Variants in PRKCB observed in about 807,000 individuals in gnomAD.
PRKCB encodes protein kinase C beta, also known as protein kinase C beta type.
Under a neutral mutation model 81.5 loss-of-function variants are expected in PRKCB, and 13 were observed. The ratio of observed to expected loss-of-function variants is 0.16; its 90% CI spans 0.10 to 0.25. The LOEUF (loss-of-function observed/expected upper bound fraction) is 0.25. Among genes scored for constraint, PRKCB ranks in the 10% least tolerant of loss-of-function variants. The pLI, the probability that PRKCB is intolerant of heterozygous loss-of-function variation, is 1.00. For missense variants in PRKCB, 509 were observed against 875.7 expected, an observed-to-expected ratio of 0.58 and a Z score of 5.29; for synonymous variants, 335 against 321.4, an observed-to-expected ratio of 1.04 and a Z score of -0.45.
intron 3 of PRKCB, among the ~76,000 whole-genome samples, chr16:23,999,181 T>C (rs1964999573): frequency 6.6e-6 from 1 of 152,172 alleles, no homozygotes. Flanking sequence ...CCCCTGATAC[T>C]CATGCAGGTA....
At chr16:23,907,161 A>C (rs1350612465) in intron 2 of PRKCB, among the ~76,000 whole-genome samples, 1 of 152,210 alleles carries the variant, frequency 6.6e-6, no homozygotes, top group African/African-American at 2.4e-5. Context: ...AGTATACACC[A>C]GTATTAACTT....
chr16:24,039,659 G>A (rs1022591841), intron 5 of PRKCB, among the ~76,000 whole-genome samples: 1 of 152,198 alleles, frequency 6.6e-6, no homozygotes, highest in African/African-American at 2.4e-5. Context: ...TCCCAGGTGA[G>A]GAGGCTTCTG....
At chr16:24,174,425 C>T (rs1356704570) in intron 11 of PRKCB, 93 bp from the exon 12 acceptor site, 7 of 1,138,464 alleles carry the variant, frequency 6.1e-6, no homozygotes, top group South Asian at 5.5e-5. Context: ...TAATGTCCTA[C>T]ACCTAGTTCA....
At chr16:24,144,503 G>A (rs907270868) in intron 9 of PRKCB, among the ~76,000 whole-genome samples, 1 of 152,172 alleles carries the variant, frequency 6.6e-6, no homozygotes, top group African/African-American at 2.4e-5. Flanking sequence ...GTTTCACCAT[G>A]TTGGCCAGGC....
intron 8 of PRKCB, among the ~76,000 whole-genome samples, chr16:24,117,895 C>A (rs1178956655): frequency 1.3e-5 from 2 of 152,232 alleles, no homozygotes; most frequent in Non-Finnish European, 2.9e-5. Context: ...CCGTCGGCTC[C>A]CCTTCCGTTG....
intron 5 of PRKCB, among the ~76,000 whole-genome samples, chr16:24,071,430 C>G (rs1373699339): frequency 1.5e-5 from 2 of 129,660 alleles, no homozygotes; most frequent in Non-Finnish European, 3.1e-5. Flanking sequence ...ATGGTGAGAC[C>G]CTGTCTAAAA....
intron 2 of PRKCB, among the ~76,000 whole-genome samples, chr16:23,932,764 G>T (rs1254174872): frequency 6.6e-6 from 1 of 152,236 alleles, no homozygotes; most frequent in African/African-American, 2.4e-5. Flanking sequence ...AAGTCAAACT[G>T]CTGTTCCTTT....
intron 2 of PRKCB, among the ~76,000 whole-genome samples, chr16:23,882,332 T>C (rs1411125057): frequency 2.0e-5 from 3 of 150,976 alleles, no homozygotes; most frequent in Non-Finnish European, 3.0e-5. Flanking sequence ...GATCCTCCCA[T>C]CTCAGCCTCC....
chr16:23,843,008 C>T (rs1962293732), intron 2 of PRKCB, among the ~76,000 whole-genome samples: 1 of 152,210 alleles, frequency 6.6e-6, no homozygotes, highest in African/African-American at 2.4e-5. Flanking sequence ...AACCCCAAAT[C>T]ATGACATGAA....
chr16:23,964,497 T>C (rs867651161), intron 2 of PRKCB, among the ~76,000 whole-genome samples: 4 of 152,238 alleles, frequency 2.6e-5, no homozygotes, highest in African/African-American at 9.6e-5. Context: ...TCTAGAACAT[T>C]GCCTGGCTCT....
At chr16:23,873,189 C>CAAAA (rs1044352544) in intron 2 of PRKCB, among the ~76,000 whole-genome samples, 2 of 67,910 alleles carry the variant, frequency 2.9e-5, no homozygotes, top group Non-Finnish European at 5.3e-5. Context: ...CACACACACA[C>CAAAA]AAAAAAAAAA....
chr16:23,921,306 T>C (rs1963821290), intron 2 of PRKCB, among the ~76,000 whole-genome samples: 1 of 152,134 alleles, frequency 6.6e-6, no homozygotes, highest in Non-Finnish European at 1.5e-5. Context: ...GCAATATTAA[T>C]AAGACCCACC....
intron 16 of PRKCB, among the ~76,000 whole-genome samples, chr16:24,203,803 T>C (rs1004974814): frequency 7.9e-5 from 12 of 152,170 alleles, no homozygotes; most frequent in African/African-American, 2.4e-4. Flanking sequence ...TGAAATGTCT[T>C]TCTAAGGAAG....
At chr16:23,944,230 TA>T (rs1332260122) in intron 2 of PRKCB, among the ~76,000 whole-genome samples, 2 of 152,234 alleles carry the variant, frequency 1.3e-5, no homozygotes, top group Admixed American at 1.3e-4. Context: ...GTGAAAAATT[TA>T]TAACTGTATC....
chr16:23,900,718 G>GTTTTTTTTTTT lies in PRKCB; in HGVS notation c.205+63334_205+63344dup, dbSNP rs56897816. Among the ~76,000 whole-genome samples the GTTTTTTTTTTT allele has an allele frequency of 5.9e-4, 37 of 62,264 alleles. 3 individuals are homozygous for GTTTTTTTTTTT. The highest frequency in any genetic ancestry group is 2.3e-3 in the African/African-American group (33 of 14,274). 40.8% of individuals were successfully genotyped at this position (62,264 alleles called of 152,430 possible). On this transcript the variant is annotated intron_variant, in intron 2 of 16. Coordinates refer to ENST00000643927, the MANE Select transcript of PRKCB (RefSeq NM_002738.7). ...CTCATTCATTTTAACAGCTGCACAG[G>GTTTTTTTTTTT]TTTTTTTTTTTTTTTTTTTTTTTTT...
chr16:24,207,537 T>C (rs142671720), intron 16 of PRKCB, among the ~76,000 whole-genome samples: 14 of 152,380 alleles, frequency 9.2e-5, no homozygotes, highest in African/African-American at 3.4e-4. Context: ...ACACTGTTAG[T>C]AATTATATAA....
At chr16:24,142,100 T>A (rs548481871) in intron 9 of PRKCB, among the ~76,000 whole-genome samples, 17 of 152,288 alleles carry the variant, frequency 1.1e-4, no homozygotes, top group African/African-American at 4.1e-4. Flanking sequence ...ACTGTCATTA[T>A]TCCCCTTTTA....
At chr16:24,025,121 C>T (rs1244454355) in intron 3 of PRKCB, among the ~76,000 whole-genome samples, 2 of 152,148 alleles carry the variant, frequency 1.3e-5, no homozygotes, top group African/African-American at 2.4e-5. Context: ...TGCAACTTGC[C>T]GATTGGTTTT....
At chr16:24,195,715 G>A (rs1193329992) in intron 16 of PRKCB, among the ~76,000 whole-genome samples, 1 of 152,078 alleles carries the variant, frequency 6.6e-6, no homozygotes, top group African/African-American at 2.4e-5. Flanking sequence ...GTTGTGTGTT[G>A]CTTTTGCTTT....
Sources: allele counts gnomAD v4.1 joint callset (sites outside exome capture counted in the v4.1 genomes callset), GRCh38; gene constraint gnomAD v4.1.1; transcripts MANE v1.5; gene names NCBI Gene and HGNC (gene_info 2026-07-23, HGNC 2026-07-21).